Variants in CCSER1 observed in about 807,000 individuals in gnomAD.
The protein encoded by CCSER1 is coiled-coil serine rich protein 1, also known as serine-rich coiled-coil domain-containing protein 1.
Under a neutral mutation model 82.0 loss-of-function variants are expected in CCSER1, and 41 were observed. That is an observed-to-expected ratio of 0.50 (90% CI 0.39 to 0.65). The LOEUF (loss-of-function observed/expected upper bound fraction) is 0.65, where lower values mean the gene tolerates loss of function less well. Ranked by LOEUF, CCSER1 falls within the 30% of genes least tolerant of loss-of-function variation. The pLI is 0.00. For synonymous variants in CCSER1, 414 were observed against 383.9 expected (o/e 1.08, Z -0.92); for missense variants, 1,119 against 1,064.2 (o/e 1.05, Z -0.72).
chr4:91,380,165 A>G (rs1458108988), intron 10 of CCSER1, among the ~76,000 whole-genome samples: 2 of 152,176 alleles, frequency 1.3e-5, no homozygotes, highest in Non-Finnish European at 2.9e-5. Flanking sequence ...CTTTACTTCC[A>G]ACTATGTGGT....
At chr4:90,726,384 T>G (rs1189705366) in intron 7 of CCSER1, among the ~76,000 whole-genome samples, 5 of 152,018 alleles carry the variant, frequency 3.3e-5, no homozygotes, top group Admixed American at 3.3e-4. Flanking sequence ...TCTTGAATGT[T>G]AGATAAGAAA....
At chr4:91,523,354 G>T (rs923607066) in intron 10 of CCSER1, among the ~76,000 whole-genome samples, 2 of 152,134 alleles carry the variant, frequency 1.3e-5, no homozygotes, top group Non-Finnish European at 2.9e-5. Context: ...TTGTGTCTCT[G>T]CCAGGCTTTG....
intron 6 of CCSER1, among the ~76,000 whole-genome samples, chr4:90,634,699 A>C (rs898898529): frequency 1.3e-5 from 2 of 151,852 alleles, no homozygotes; most frequent in Admixed American, 1.3e-4. Context: ...CACAGTGGAG[A>C]GTCATAAAGT....
chr4:91,440,326 C>T (rs936772339), intron 10 of CCSER1, among the ~76,000 whole-genome samples: 2 of 152,106 alleles, frequency 1.3e-5, no homozygotes, highest in African/African-American at 4.8e-5. Flanking sequence ...CAAAACCGCT[C>T]AACTACATGG....
At chr4:90,503,288 C>T (rs148341643) in intron 5 of CCSER1, among the ~76,000 whole-genome samples, 6 of 152,218 alleles carry the variant, frequency 3.9e-5, no homozygotes, top group Admixed American at 6.5e-5. Flanking sequence ...AAAGCTGAGA[C>T]GTCTTAAAAC....
intron 10 of CCSER1, among the ~76,000 whole-genome samples, chr4:91,440,195 A>C (rs1292463853): frequency 6.6e-6 from 1 of 152,188 alleles, no homozygotes; most frequent in East Asian, 1.9e-4. Flanking sequence ...CCTATTCCAA[A>C]ATAGACCACA....
At chr4:90,515,574 C>A (rs1206592809) in intron 5 of CCSER1, among the ~76,000 whole-genome samples, 1 of 152,126 alleles carries the variant, frequency 6.6e-6, no homozygotes, top group Non-Finnish European at 1.5e-5. Flanking sequence ...TCATTGTCTT[C>A]TGTATTGTTC....
At chr4:90,439,234 G>C (rs1272190568) in intron 4 of CCSER1, among the ~76,000 whole-genome samples, 1 of 152,108 alleles carries the variant, frequency 6.6e-6, no homozygotes, top group Non-Finnish European at 1.5e-5. Context: ...GTTGTAGTGA[G>C]CTGAGATCAC....
At position 90,158,012 on chromosome 4, in the gene CCSER1, C is replaced by T. The variant is rs554221161; in HGVS notation, c.-42+30181C>T. On this transcript the variant is annotated intron_variant, in intron 1 of 10. Coordinates refer to ENST00000509176, the MANE Select transcript of CCSER1 (RefSeq NM_001145065.2). ...TCCCCCATCTTTGTGGTTTTATCTACTTTTGGTCTTTGATGATGGTGATGT... is the reference window on the plus strand; with the variant it reads ...TCCCCCATCTTTGTGGTTTTATCTATTTTTGGTCTTTGATGATGGTGATGT... 7.9e-5 allele frequency among the ~76,000 whole-genome samples: 12 copies of T among 152,220 alleles called. No homozygotes were observed. In the East Asian group the frequency reaches 1.5e-3, roughly 20 times the overall value.
At chr4:90,450,941 A>G (rs967500082) in intron 4 of CCSER1, among the ~76,000 whole-genome samples, 2 of 152,202 alleles carry the variant, frequency 1.3e-5, no homozygotes, top group Non-Finnish European at 2.9e-5. Context: ...ACCATTTTGA[A>G]GGGACTTAAA....
chr4:90,595,017 A>C (rs189102906), intron 5 of CCSER1, among the ~76,000 whole-genome samples: 97 of 151,916 alleles, frequency 6.4e-4, no homozygotes, highest in Non-Finnish European at 8.2e-4. Flanking sequence ...TAAGTGACTA[A>C]TTATTTGATT....
chr4:90,824,553 G>A (rs1022478065), intron 8 of CCSER1, among the ~76,000 whole-genome samples: 2 of 152,064 alleles, frequency 1.3e-5, no homozygotes, highest in Non-Finnish European at 2.9e-5. Context: ...AATTCAAATT[G>A]AATAAAATGG....
At chr4:90,764,159 A>G (rs1199300387) in intron 7 of CCSER1, among the ~76,000 whole-genome samples, 1 of 152,192 alleles carries the variant, frequency 6.6e-6, no homozygotes, top group Admixed American at 6.5e-5. Flanking sequence ...ATACTTCTAG[A>G]ACTTGTGCCA....
At chr4:91,229,974 A>C (rs1232185911) in intron 10 of CCSER1, among the ~76,000 whole-genome samples, 2 of 152,184 alleles carry the variant, frequency 1.3e-5, no homozygotes, top group African/African-American at 4.8e-5. Flanking sequence ...CCCATTCTGC[A>C]CATGAATCCC....
intron 10 of CCSER1, among the ~76,000 whole-genome samples, chr4:91,305,979 T>C (rs1745041963): frequency 6.6e-6 from 1 of 151,268 alleles, no homozygotes; most frequent in East Asian, 2.0e-4. Context: ...GTCCCTCTCA[T>C]AACACATGGG....
At chr4:90,519,588 A>AT (rs536294439) in intron 5 of CCSER1, among the ~76,000 whole-genome samples, 237 of 152,034 alleles carry the variant, frequency 1.6e-3, no homozygotes, top group African/African-American at 5.4e-3. Context: ...GCTTATTACA[A>AT]TTTTTTTATT....
At chr4:91,006,440 A>T (rs182960785) in intron 9 of CCSER1, among the ~76,000 whole-genome samples, 2 of 152,140 alleles carry the variant, frequency 1.3e-5, no homozygotes, top group African/African-American at 4.8e-5. Context: ...TGCAAAAAAA[A>T]GATAATTTGG....
intron 10 of CCSER1, among the ~76,000 whole-genome samples, chr4:91,566,833 A>C (rs1207244182): frequency 1.3e-5 from 2 of 152,054 alleles, no homozygotes; most frequent in Non-Finnish European, 2.9e-5. Flanking sequence ...CTTTTCAAAA[A>C]ACCAACTCCT....
At chr4:91,422,746 A>G (rs932481630) in intron 10 of CCSER1, among the ~76,000 whole-genome samples, 4 of 152,188 alleles carry the variant, frequency 2.6e-5, no homozygotes, top group African/African-American at 9.7e-5. Flanking sequence ...CGTTGCCTTT[A>G]GGACATCCAG....
Sources: gnomAD v4.1 joint callset for allele counts (sites outside exome capture counted in the v4.1 genomes callset) on GRCh38, gnomAD v4.1.1 for gene constraint, MANE v1.5 for transcripts, NCBI Gene and HGNC (gene_info 2026-07-23, HGNC 2026-07-21) for gene names.